The following RBPMS2 variants were observed in gnomAD, a reference collection of about 807,000 sequenced individuals.
RBPMS2 encodes RNA-binding protein with multiple splicing 2.
A neutral mutation model predicts 25.7 loss-of-function variants in RBPMS2; 14 were observed. The observed-to-expected ratio is 0.55, with a 90% CI of 0.36 to 0.85. The LOEUF (loss-of-function observed/expected upper bound fraction) is 0.85. Ranked by LOEUF, RBPMS2 falls within the 40% of genes least tolerant of loss-of-function variation. The pLI, the probability that RBPMS2 is intolerant of heterozygous loss-of-function variation, is 0.01. For synonymous variants in RBPMS2, 127 were observed against 115.6 expected, an observed-to-expected ratio of 1.10 and a Z score of -0.63; for missense variants, 252 against 283.4, an observed-to-expected ratio of 0.89 and a Z score of 0.80.
intron 6 of RBPMS2, 60 bp from the exon 7 acceptor site, chr15:64,741,302 G>A: frequency 7.3e-7 from 1 of 1,363,842 alleles, no homozygotes; most frequent in Non-Finnish European, 1.0e-6. Context: ...CAGGAAGCCA[G>A]GTAACCATGG....
At chr15:64,770,551 G>T (rs1179227429) in intron 1 of RBPMS2, among the ~76,000 whole-genome samples, 1 of 152,144 alleles carries the variant, frequency 6.6e-6, no homozygotes, top group East Asian at 1.9e-4. Context: ...ATAACTCCCA[G>T]TGAGGAGGGG....
At chr15:64,754,268 C>T (rs1324428099) in intron 1 of RBPMS2, among the ~76,000 whole-genome samples, 2 of 152,010 alleles carry the variant, frequency 1.3e-5, no homozygotes, top group African/African-American at 2.4e-5. Context: ...GCCAAGATCG[C>T]ACCACTGCAC....
intron 1 of RBPMS2, among the ~76,000 whole-genome samples, chr15:64,754,270 C>A (rs2083711014): frequency 6.6e-6 from 1 of 152,054 alleles, no homozygotes; most frequent in Non-Finnish European, 1.5e-5. Flanking sequence ...CAAGATCGCA[C>A]CACTGCACTC....
chr15:64,757,820 C>CA (rs1198892210), intron 1 of RBPMS2, among the ~76,000 whole-genome samples: 4 of 147,546 alleles, frequency 2.7e-5, no homozygotes, highest in African/African-American at 1.0e-4. Flanking sequence ...TCCCCCCCCA[C>CA]AAAAAATCAG....
At chr15:64,747,130 G>A (rs565257231) in intron 6 of RBPMS2, among the ~76,000 whole-genome samples, 134 of 152,318 alleles carry the variant, frequency 8.8e-4, no homozygotes, top group African/African-American at 3.1e-3. Context: ...AGCTGGGGAA[G>A]AGCGCCAGGG....
intron 1 of RBPMS2, among the ~76,000 whole-genome samples, chr15:64,769,373 G>A (rs1211752549): frequency 2.3e-4 from 34 of 145,018 alleles, no homozygotes; most frequent in African/African-American, 7.6e-4. Context: ...GCGGTGAGCC[G>A]AGATCGCGCC....
chr15:64,755,392 G>GC (rs1013460057), intron 1 of RBPMS2, among the ~76,000 whole-genome samples: 1 of 152,096 alleles, frequency 6.6e-6, no homozygotes, highest in Non-Finnish European at 1.5e-5. Context: ...CTAAATCACA[G>GC]CAAGTGTGAT....
At chr15:64,764,750 C>T (rs1458423895) in intron 1 of RBPMS2, among the ~76,000 whole-genome samples, 1 of 149,854 alleles carries the variant, frequency 6.7e-6, no homozygotes, top group African/African-American at 2.5e-5. Flanking sequence ...CCTGTCTCTA[C>T]TAAAAAAGTA....
Position 64,740,644 on chromosome 15 carries a change from T to C in RBPMS2, c.*364A>G, listed in dbSNP as rs1294720826. On this transcript the variant is annotated 3_prime_UTR_variant, in exon 8 of 8. Coordinates refer to ENST00000300069, the MANE Select transcript of RBPMS2 (RefSeq NM_194272.3). Reference sequence around the variant, plus strand: ...ATACAAGTATAAGTGTCTTAATTCATGCCAGAAAACATGCAAAATTAAACA... The same window carrying C: ...ATACAAGTATAAGTGTCTTAATTCACGCCAGAAAACATGCAAAATTAAACA... 1 of 158,456 alleles carries C rather than the reference T, an allele frequency of 6.3e-6. No individual in the cohort carries two copies. The highest frequency in any genetic ancestry group is 1.9e-4 in the East Asian group (1 of 5,334). The allele number at this position is 158,456 out of a possible 1,614,324, so 9.8% of individuals were successfully genotyped here.
At chr15:64,764,760 A>G (rs8035677) in intron 1 of RBPMS2, among the ~76,000 whole-genome samples, 11,643 of 147,800 alleles carry the variant, frequency 0.079, 846 homozygotes, top group African/African-American at 0.2. Flanking sequence ...CTAAAAAAGT[A>G]AAAAAAAATT....
At chr15:64,775,024 G>A (rs919238075) in intron 1 of RBPMS2, among the ~76,000 whole-genome samples, 3 of 150,806 alleles carry the variant, frequency 2.0e-5, no homozygotes, top group Non-Finnish European at 4.4e-5. Flanking sequence ...AGAGGGCGGG[G>A]AGACAATGCC....
At chr15:64,768,925 C>G (rs539763852) in intron 1 of RBPMS2, among the ~76,000 whole-genome samples, 2 of 151,070 alleles carry the variant, frequency 1.3e-5, no homozygotes, top group Admixed American at 1.3e-4. Context: ...ACGATGAAAC[C>G]CCGTCTCTAC....
intron 1 of RBPMS2, among the ~76,000 whole-genome samples, chr15:64,766,935 G>A (rs1000542232): frequency 1.6e-4 from 25 of 151,624 alleles, no homozygotes; most frequent in Non-Finnish European, 3.1e-4. Context: ...AGGTGCTCAC[G>A]GCCACACCCA....
At position 64,775,261 on chromosome 15, in the gene RBPMS2, G is replaced by C. The variant is rs1184893347; in HGVS notation, c.59C>G (p.Ala20Gly). ...CTCCTCCAGGGCGCCGCCGGAGCCCGCGCCGGAGCCGGTGCCGGTGCTGCC... is the reference window on the plus strand; with the variant it reads ...CTCCTCCAGGGCGCCGCCGGAGCCCCCGCCGGAGCCGGTGCCGGTGCTGCC... ...HGGSTGTGSG[A>G]GSGGALEEEV... The change falls in exon 1 of 8, where the codon GCG (alanine) becomes GGG (glycine). Residue 20 changes from alanine to glycine, a missense_variant. Physicochemically the swap from Ala to Gly is moderately conservative, Grantham distance 60 (BLOSUM62 0). Coordinates refer to ENST00000300069, the MANE Select transcript of RBPMS2 (RefSeq NM_194272.3). The C allele has an allele frequency of 2.3e-6, 3 of 1,332,340 alleles. No homozygotes were observed. Among genetic ancestry groups the C allele is most frequent in the Non-Finnish European group, 2.9e-6 (3 of 1,035,224 alleles). 82.5% of individuals were successfully genotyped at this position (1,332,340 alleles called of 1,614,324 possible). A position where few individuals can be genotyped will look rare whatever the true frequency, so the allele number is the denominator to read the frequency against.
chr15:64,765,296 T>C (rs1166650993), intron 1 of RBPMS2, among the ~76,000 whole-genome samples: 1 of 143,016 alleles, frequency 7.0e-6, no homozygotes, highest in Non-Finnish European at 1.5e-5. Context: ...GCACCTGTAG[T>C]CCCAGCTACT....
At chr15:64,773,539 G>A (rs542151783) in intron 1 of RBPMS2, among the ~76,000 whole-genome samples, 85 of 152,318 alleles carry the variant, frequency 5.6e-4, no homozygotes, top group African/African-American at 1.9e-3. Context: ...CCCAGAAAAG[G>A]TACTTAGAAA....
intron 2 of RBPMS2, 145 bp from the exon 3 acceptor site, chr15:64,750,526 C>G: frequency 1.3e-6 from 1 of 740,898 alleles, no homozygotes; most frequent in Non-Finnish European, 2.4e-6. Context: ...TGACCTCCGC[C>G]ACTGCCAAAC....
In RBPMS2 at chr15:64,748,471, G is replaced by A; in HGVS notation, c.515C>T (p.Ala172Val). 6.2e-7 allele frequency: 1 copy of A among 1,614,128 alleles called. No individual in the cohort carries two copies. Among genetic ancestry groups the A allele is most frequent in the Non-Finnish European group, 8.5e-7 (1 of 1,180,002 alleles). ...TTELTPAISH[A>V]AFTYPTATAA... ...AGTGGCAGTTGGGTAGGTGAACGCA[G>A]CATGGGAGATGGCTGGGGTCAGCTC... The change falls in exon 6 of 8, where the codon GCT (alanine) becomes GTT (valine). Residue 172 changes from alanine (A) to valine (V), a missense_variant. Physicochemically the swap from Ala to Val is moderately conservative, Grantham distance 64. Transcript: ENST00000300069.
intron 1 of RBPMS2, among the ~76,000 whole-genome samples, chr15:64,753,621 C>T (rs938343379): frequency 3.9e-5 from 6 of 152,150 alleles, no homozygotes; most frequent in African/African-American, 1.2e-4. Flanking sequence ...ATGGTGAAGA[C>T]AAACCTCACG....
Sources: gnomAD v4.1 joint callset for allele counts (sites outside exome capture counted in the v4.1 genomes callset) on GRCh38, gnomAD v4.1.1 for gene constraint, MANE v1.5 for transcripts, NCBI Gene and HGNC (gene_info 2026-07-23, HGNC 2026-07-21) for gene names.